Variants in ZNF569 observed in about 807,000 individuals in gnomAD.
The protein encoded by ZNF569 is DNA-binding protein.
Under a neutral mutation model 56.3 loss-of-function variants are expected in ZNF569, and 38 were observed. The observed-to-expected ratio is 0.68, with a 90% CI of 0.52 to 0.88. The LOEUF (loss-of-function observed/expected upper bound fraction) is 0.88, where lower values mean the gene tolerates loss of function less well. Among genes scored for constraint, ZNF569 ranks in the 40% least tolerant of loss-of-function variants. The pLI is 0.00. For synonymous variants in ZNF569, 241 were observed against 262.9 expected, an observed-to-expected ratio of 0.92 and a Z score of 0.81; for missense variants, 666 against 809.2, an observed-to-expected ratio of 0.82 and a Z score of 2.15.
At chr19:37,422,467 A>G (rs1313077461) in intron 5 of ZNF569, among the ~76,000 whole-genome samples, 1 of 152,210 alleles carries the variant, frequency 6.6e-6, no homozygotes, top group Non-Finnish European at 1.5e-5. Flanking sequence ...AGATAATAAT[A>G]TAATGAAAAG....
chr19:37,467,379 C>T lies in ZNF569; in HGVS notation c.-500G>A, dbSNP rs568978802. On this transcript the variant is annotated 5_prime_UTR_variant, in exon 1 of 6. Transcript: ENST00000316950. Reference sequence around the variant, plus strand: ...TTGCACGAGCGGCCTCCCGCGAGCCCAGCTCTGAGAGATTGGGAGCGCAAC... The same window carrying T: ...TTGCACGAGCGGCCTCCCGCGAGCCTAGCTCTGAGAGATTGGGAGCGCAAC... The T allele has an allele frequency of 6.4e-6, 1 of 156,708 alleles. No individual in the cohort carries two copies. Among genetic ancestry groups the T allele is most frequent in the South Asian group, 1.9e-4 (1 of 5,338 alleles). The allele number at this position is 156,708 out of a possible 1,614,324, so 9.7% of individuals were successfully genotyped here.
Position 37,411,410 on chromosome 19 carries a change from T to C in ZNF569, c.*1187A>G, listed in dbSNP as rs2040838964. 6.6e-6 allele frequency: 1 copy of C among 152,192 alleles called. No individual in the cohort carries two copies. Among genetic ancestry groups the C allele is most frequent in the South Asian group, 2.1e-4 (1 of 4,836 alleles). 9.4% of individuals were successfully genotyped at this position (152,192 alleles called of 1,614,324 possible). ...AGGTAGATTTTGTTTCTAAATTCTGTATTTTATCACAGAAATGATCACACT... is the reference window on the plus strand; with the variant it reads ...AGGTAGATTTTGTTTCTAAATTCTGCATTTTATCACAGAAATGATCACACT... On this transcript the variant is annotated 3_prime_UTR_variant, in exon 6 of 6. Coordinates refer to ENST00000316950, the MANE Select transcript of ZNF569 (RefSeq NM_152484.3).
At chr19:37,430,196 A>G (rs199868267) in intron 3 of ZNF569, among the ~76,000 whole-genome samples, 3 of 81,996 alleles carry the variant, frequency 3.7e-5, no homozygotes, top group African/African-American at 2.4e-4. Context: ...CCCTATCTCA[A>G]AAAAAAAAAA....
intron 2 of ZNF569, among the ~76,000 whole-genome samples, chr19:37,459,622 TAAAG>T (rs2041726745): frequency 2.0e-5 from 3 of 152,140 alleles, no homozygotes; most frequent in Admixed American, 2.0e-4. Flanking sequence ...TGGATTTACA[TAAAG>T]AAAGGAAGAG....
At chr19:37,423,630 G>A (rs1568721792) in intron 5 of ZNF569, among the ~76,000 whole-genome samples, 1 of 151,964 alleles carries the variant, frequency 6.6e-6, no homozygotes, top group Non-Finnish European at 1.5e-5. Flanking sequence ...ATCTCTTTGG[G>A]AAAAAAACAC....
chr19:37,464,787 T>C (rs1313198714), intron 2 of ZNF569, among the ~76,000 whole-genome samples: 3 of 152,222 alleles, frequency 2.0e-5, no homozygotes, highest in African/African-American at 7.2e-5. Context: ...TTGGTCTCTG[T>C]GCTTCTTCCC....
intron 2 of ZNF569, 91 bp from the exon 3 acceptor site, chr19:37,445,055 G>T: frequency 2.2e-6 from 2 of 922,394 alleles, no homozygotes; most frequent in Non-Finnish European, 3.3e-6. Context: ...ACCCTGTAGT[G>T]GAATGATAAT....
chr19:37,454,137 C>A (rs2161520), intron 2 of ZNF569, among the ~76,000 whole-genome samples: 68,001 of 151,872 alleles, frequency 0.45, 16,822 homozygotes, highest in African/African-American at 0.66. Context: ...TGAGTGTACC[C>A]CAGGCTTCAA....
At chr19:37,415,714 CAAAA>C (rs34061624) in intron 5 of ZNF569, among the ~76,000 whole-genome samples, 2 of 125,934 alleles carry the variant, frequency 1.6e-5, no homozygotes, top group African/African-American at 2.8e-5. Context: ...ACTAAAAATA[CAAAA>C]AAAAAAAAAA....
At chr19:37,448,118 T>C (rs2041528756) in intron 2 of ZNF569, among the ~76,000 whole-genome samples, 1 of 152,224 alleles carries the variant, frequency 6.6e-6, no homozygotes, top group Non-Finnish European at 1.5e-5. Context: ...GTCTTCCTCC[T>C]CTTCTATATT....
At chr19:37,419,387 T>C (rs932256649) in intron 5 of ZNF569, among the ~76,000 whole-genome samples, 2 of 152,178 alleles carry the variant, frequency 1.3e-5, no homozygotes, top group African/African-American at 4.8e-5. Flanking sequence ...ACCACCACAA[T>C]AAAGCATGTC....
At chr19:37,467,551 C>G (rs1568757861), upstream of ZNF569, 1 of 342,744 alleles carries the variant, frequency 2.9e-6, no homozygotes, top group Non-Finnish European at 5.3e-6. Context: ...TCGCAAGGTC[C>G]GTGAAGGAAG....
At chr19:37,448,054 A>G (rs1419935449) in intron 2 of ZNF569, among the ~76,000 whole-genome samples, 2 of 152,052 alleles carry the variant, frequency 1.3e-5, no homozygotes, top group Non-Finnish European at 1.5e-5. Context: ...TTTTCTTGTA[A>G]TATCTTTGGC....
chr19:37,460,564 A>G (rs189624633), intron 2 of ZNF569, among the ~76,000 whole-genome samples: 1 of 152,128 alleles, frequency 6.6e-6, no homozygotes, highest in South Asian at 2.1e-4. Context: ...ATATATGTCT[A>G]TAAGAAACCC....
chr19:37,432,599 T>G (rs991519460), intron 3 of ZNF569, among the ~76,000 whole-genome samples: 8 of 152,218 alleles, frequency 5.3e-5, no homozygotes, highest in African/African-American at 1.9e-4. Context: ...AATAAATACC[T>G]AACTCTTCAC....
At chr19:37,448,616 T>G (rs2041539545) in intron 2 of ZNF569, among the ~76,000 whole-genome samples, 1 of 138,286 alleles carries the variant, frequency 7.2e-6, no homozygotes, top group Admixed American at 8.2e-5. Context: ...CAGGCTGGAG[T>G]GCAGTGTTGT....
intron 2 of ZNF569, among the ~76,000 whole-genome samples, chr19:37,453,219 G>T (rs1371203124): frequency 3.3e-5 from 5 of 152,060 alleles, no homozygotes; most frequent in Non-Finnish European, 7.4e-5. Context: ...CTGACTGTCT[G>T]GTACTGTACC....
chr19:37,465,996 G>C (rs1386382919), intron 1 of ZNF569, among the ~76,000 whole-genome samples: 1 of 152,192 alleles, frequency 6.6e-6, no homozygotes, highest in African/African-American at 2.4e-5. Flanking sequence ...AACAAGAAAG[G>C]TTGGTTACAG....
chr19:37,467,673 C>T (rs2041871074), upstream of ZNF569: 5 of 607,338 alleles, frequency 8.2e-6, no homozygotes, highest in South Asian at 2.0e-5. Context: ...TCAGCTGGAG[C>T]CTTAAGGTCC....
Sources: gnomAD v4.1 joint callset for allele counts (sites outside exome capture counted in the v4.1 genomes callset) on GRCh38, gnomAD v4.1.1 for gene constraint, MANE v1.5 for transcripts, NCBI Gene and HGNC (gene_info 2026-07-23, HGNC 2026-07-21) for gene names.